STK32B: variants seen among roughly 807,000 people sequenced by gnomAD.
The protein encoded by STK32B is serine/threonine kinase 32B, also known as serine/threonine-protein kinase 32B.
STK32B carries 43 observed loss-of-function variants against 52.6 expected under a neutral mutation model. That is an observed-to-expected ratio of 0.82 (90% CI 0.64 to 1.05). The LOEUF is 1.05. Among genes scored for constraint, STK32B ranks in the 50% least tolerant of loss-of-function variants. The probability of loss-of-function intolerance (pLI) is 0.00; values close to 1 mark genes in which losing one functional copy is unlikely to be tolerated. For missense variants in STK32B, 621 were observed against 534.6 expected (o/e 1.16, Z -1.59); for synonymous variants, 238 against 204.3 (o/e 1.17, Z -1.41).
At chr4:5,214,847 G>C (rs1327626791) in intron 3 of STK32B, among the ~76,000 whole-genome samples, 1 of 152,126 alleles carries the variant, frequency 6.6e-6, no homozygotes, top group East Asian at 1.9e-4. Context: ...TGTGAGAGAG[G>C]TATGAACAAA....
In STK32B at chr4:5,331,372, A is replaced by G; in HGVS notation, c.413A>G (p.Gln138Arg). The change falls in exon 4 of 12, where the codon CAG becomes CGG. Residue 138 changes from glutamine (Q) to arginine (R), a missense_variant. Gln to Arg is a conservative substitution (Grantham distance 43, BLOSUM62 1). Coordinates refer to ENST00000282908, the MANE Select transcript of STK32B (RefSeq NM_018401.3). ...CELALALEYL[Q>R]RYHIIHRDIK... Reference sequence around the variant, plus strand: ...CTGGCACTGGCCCTGGAGTATCTTCAGAGGTACCACATCATCCACAGGTAA... The same window carrying G: ...CTGGCACTGGCCCTGGAGTATCTTCGGAGGTACCACATCATCCACAGGTAA... The G allele has an allele frequency of 6.2e-7, 1 of 1,612,968 alleles. No homozygotes were observed. Among genetic ancestry groups the G allele is most frequent in the Non-Finnish European group, 8.5e-7 (1 of 1,179,422 alleles).
chr4:5,192,448 A>C (rs1721285205), intron 3 of STK32B, among the ~76,000 whole-genome samples: 1 of 152,226 alleles, frequency 6.6e-6, no homozygotes, highest in South Asian at 2.1e-4. Flanking sequence ...GGCTGTTCTG[A>C]GTTCATAACA....
chr4:5,335,562 T>G (rs552930414), intron 4 of STK32B, among the ~76,000 whole-genome samples: 1,982 of 152,090 alleles, frequency 0.013, 29 homozygotes, highest in East Asian at 0.071. Context: ...TTCTTTAAAT[T>G]GTGATGTTAG....
chr4:5,019,543 C>A, the STK32B span: 1 of 1,305,142 alleles, frequency 7.7e-7, no homozygotes, highest in South Asian at 1.8e-5. Flanking sequence ...GGGGCCAGCG[C>A]AGGCTGCGGT....
At chr4:5,120,967 G>A (rs1714992584) in intron 1 of STK32B, among the ~76,000 whole-genome samples, 2 of 151,834 alleles carry the variant, frequency 1.3e-5, no homozygotes, top group Admixed American at 6.6e-5. Context: ...GGTACAGGTG[G>A]ATTTTGGTTA....
chr4:5,223,968 C>T (rs937141945), intron 3 of STK32B, among the ~76,000 whole-genome samples: 2 of 152,084 alleles, frequency 1.3e-5, no homozygotes, highest in African/African-American at 4.8e-5. Flanking sequence ...ATACCTGTCC[C>T]ACCATTGTAT....
At chr4:5,111,956 G>A (rs1235971809) in intron 1 of STK32B, among the ~76,000 whole-genome samples, 1 of 152,150 alleles carries the variant, frequency 6.6e-6, no homozygotes. Context: ...AGGTACCACT[G>A]TGGGCATGTG....
At chr4:5,342,650 C>T (rs1733163852) in intron 4 of STK32B, among the ~76,000 whole-genome samples, 1 of 152,192 alleles carries the variant, frequency 6.6e-6, no homozygotes, top group Admixed American at 6.5e-5. Flanking sequence ...CCACCTCCAA[C>T]ACTGGAAATT....
intron 4 of STK32B, among the ~76,000 whole-genome samples, chr4:5,353,073 GA>G (rs532614622): frequency 6.6e-6 from 1 of 151,854 alleles, no homozygotes; most frequent in Non-Finnish European, 1.5e-5. Flanking sequence ...AGATCAATGG[GA>G]AAAAAATAGA....
chr4:5,209,119 G>C (rs996199928), intron 3 of STK32B, among the ~76,000 whole-genome samples: 3 of 152,210 alleles, frequency 2.0e-5, no homozygotes, highest in African/African-American at 7.2e-5. Context: ...GAGAGATTCA[G>C]GTAACAGAAA....
intron 3 of STK32B, among the ~76,000 whole-genome samples, chr4:5,310,833 T>C (rs1361024045): frequency 6.6e-6 from 1 of 152,228 alleles, no homozygotes; most frequent in Non-Finnish European, 1.5e-5. Context: ...ATGTGGTATA[T>C]GTACATGATA....
At chr4:5,132,654 A>G (rs1378687738) in intron 1 of STK32B, among the ~76,000 whole-genome samples, 2 of 152,198 alleles carry the variant, frequency 1.3e-5, no homozygotes, top group Admixed American at 6.5e-5. Flanking sequence ...TCCTGCTGAC[A>G]GCAGGATTTC....
intron 8 of STK32B, among the ~76,000 whole-genome samples, chr4:5,458,339 C>T (rs1318869995): frequency 1.3e-5 from 2 of 152,178 alleles, no homozygotes; most frequent in East Asian, 3.9e-4. Flanking sequence ...GGAATGATGA[C>T]AATAGCAGCC....
intron 7 of STK32B, among the ~76,000 whole-genome samples, chr4:5,450,930 A>T (rs1018858572): frequency 6.6e-6 from 1 of 152,066 alleles, no homozygotes; most frequent in East Asian, 1.9e-4. Flanking sequence ...AGTAAGGCCA[A>T]TGGGCTTCAT....
the STK32B span, among the ~76,000 whole-genome samples, chr4:5,041,804 C>CTTTTT: frequency 1.3e-5 from 2 of 149,594 alleles, no homozygotes; most frequent in African/African-American, 2.5e-5. Context: ...CAGCCTTTAT[C>CTTTTT]TTTTTTTTTT....
intron 3 of STK32B, among the ~76,000 whole-genome samples, chr4:5,252,232 G>C (rs1725984577): frequency 6.6e-6 from 1 of 152,098 alleles, no homozygotes; most frequent in Non-Finnish European, 1.5e-5. Flanking sequence ...CCAAAGATTT[G>C]TCATTATTGG....
At chr4:5,338,077 T>C (rs1732824385) in intron 4 of STK32B, among the ~76,000 whole-genome samples, 1 of 152,104 alleles carries the variant, frequency 6.6e-6, no homozygotes. Context: ...GATGAGTGGA[T>C]AGAGAAGGAT....
chr4:5,401,555 A>C (rs1461460955), intron 5 of STK32B, among the ~76,000 whole-genome samples: 2 of 152,186 alleles, frequency 1.3e-5, no homozygotes, highest in Non-Finnish European at 2.9e-5. Context: ...TGGAATGGAC[A>C]CTTTCATTCT....
intron 2 of STK32B, among the ~76,000 whole-genome samples, chr4:5,154,504 C>T (rs959944228): frequency 1.1e-4 from 17 of 152,190 alleles, no homozygotes; most frequent in African/African-American, 3.6e-4. Flanking sequence ...CGTGAACCAC[C>T]GAGCTTGACT....
Sources: gnomAD v4.1 joint callset for allele counts (sites outside exome capture counted in the v4.1 genomes callset) on GRCh38, gnomAD v4.1.1 for gene constraint, MANE v1.5 for transcripts, NCBI Gene and HGNC (gene_info 2026-07-23, HGNC 2026-07-21) for gene names.